Variants in SGPP2 observed in about 807,000 individuals in gnomAD.
SGPP2 encodes the protein sphingosine 1-phosphate phosphohydrolase 2.
SGPP2 carries 30 observed loss-of-function variants against 33.9 expected under a neutral mutation model. The observed-to-expected ratio is 0.89, with a 90% CI of 0.66 to 1.20. SGPP2 has a LOEUF of 1.20. Ranked by LOEUF, SGPP2 falls within the 50% of genes most tolerant of loss-of-function variation. SGPP2 has a pLI of 0.00. For synonymous variants in SGPP2, 233 were observed against 225.0 expected (o/e 1.04, Z -0.32); for missense variants, 458 against 532.1 (o/e 0.86, Z 1.37).
chr2:222,501,818 T>C (rs1490185013), intron 2 of SGPP2, among the ~76,000 whole-genome samples: 1 of 152,220 alleles, frequency 6.6e-6, no homozygotes, highest in East Asian at 1.9e-4. Context: ...GTGAGACATA[T>C]TAGAAAAATC....
At chr2:222,511,106 T>A (rs1016686900) in intron 2 of SGPP2, among the ~76,000 whole-genome samples, 15 of 152,168 alleles carry the variant, frequency 9.9e-5, no homozygotes, top group African/African-American at 3.6e-4. Context: ...TTTACTGTAA[T>A]AACCAGAAAG....
chr2:222,439,294 C>A (rs1020434448), intron 1 of SGPP2, among the ~76,000 whole-genome samples: 10 of 152,272 alleles, frequency 6.6e-5, no homozygotes, highest in Admixed American at 6.5e-4. Flanking sequence ...ACCTGGCCTC[C>A]CCTTCATTCA....
Position 222,515,695 on chromosome 2 carries a change from G to A in SGPP2, c.379-6072G>A, listed in dbSNP as rs184224440. Among the ~76,000 whole-genome samples the A allele has an allele frequency of 3.1e-3, 478 of 152,196 alleles. 6 individuals are homozygous for A. The highest frequency in any genetic ancestry group is 0.011 in the African/African-American group (464 of 41,534). On this transcript the variant is annotated intron_variant, in intron 2 of 4. Transcript: ENST00000321276. ...TATACAATTCACCCATTTAAAGCAT[G>A]TAATTCAATAATTTTTAGTGTAGTC...
At chr2:222,527,509 T>C (rs963740495) in intron 4 of SGPP2, among the ~76,000 whole-genome samples, 1 of 152,108 alleles carries the variant, frequency 6.6e-6, no homozygotes, top group African/African-American at 2.4e-5. Context: ...TCCCATGGGG[T>C]TTGAATATGC....
intron 2 of SGPP2, among the ~76,000 whole-genome samples, chr2:222,519,158 G>A (rs1478539251): frequency 1.3e-5 from 2 of 152,202 alleles, no homozygotes; most frequent in African/African-American, 2.4e-5. Flanking sequence ...GGTAAGATAT[G>A]TTTTGTGATT....
intron 4 of SGPP2, among the ~76,000 whole-genome samples, chr2:222,530,174 G>T (rs1387744680): frequency 6.6e-6 from 1 of 152,306 alleles, no homozygotes; most frequent in East Asian, 1.9e-4. Flanking sequence ...TAGAGCACAG[G>T]CAGAGTAGAT....
Position 222,447,389 on chromosome 2 carries a change from T to C in SGPP2, c.219+22568T>C. Among the ~76,000 whole-genome samples the C allele has an allele frequency of 1.3e-5, 2 of 152,126 alleles. 1 individual carries two copies. The highest frequency in any genetic ancestry group is 3.8e-4 in the East Asian group (2 of 5,196). On this transcript the variant is annotated intron_variant, in intron 1 of 4. Transcript: ENST00000321276. ...GCCTGAGGTTTGGCCTGAGTTTGAG[T>C]TCTGCTAACAAGCCACAAGAAAGTG...
At chr2:222,463,966 T>C (rs1697704287) in intron 1 of SGPP2, among the ~76,000 whole-genome samples, 1 of 110,662 alleles carries the variant, frequency 9.0e-6, no homozygotes, top group Non-Finnish European at 1.9e-5. Flanking sequence ...TTCTGAATCC[T>C]GTACGTGTGT....
At chr2:222,525,064 T>C (rs1179181197) in intron 4 of SGPP2, 31 bp downstream of exon 4, 11 of 1,533,866 alleles carry the variant, frequency 7.2e-6, no homozygotes, top group South Asian at 1.1e-5. Context: ...CTTGTGGTGA[T>C]TGTTTGAATG....
intron 1 of SGPP2, among the ~76,000 whole-genome samples, chr2:222,452,047 A>G (rs1345668621): frequency 1.3e-5 from 2 of 151,952 alleles, no homozygotes; most frequent in Non-Finnish European, 2.9e-5. Context: ...TTTCACATCA[A>G]TTTGTACTTT....
intron 1 of SGPP2, among the ~76,000 whole-genome samples, chr2:222,444,808 T>C (rs1405781667): frequency 6.6e-6 from 1 of 152,200 alleles, no homozygotes; most frequent in African/African-American, 2.4e-5. Context: ...AAACAATACA[T>C]TGCAGCTTTG....
chr2:222,463,940 A>T (rs1697703832), intron 1 of SGPP2, among the ~76,000 whole-genome samples: 1 of 150,874 alleles, frequency 6.6e-6, no homozygotes, highest in South Asian at 2.1e-4. Context: ...GAAGAGACTG[A>T]ATCAACCCTC....
intron 2 of SGPP2, among the ~76,000 whole-genome samples, chr2:222,510,640 G>A (rs1698513262): frequency 2.0e-5 from 3 of 152,142 alleles, no homozygotes; most frequent in South Asian, 2.1e-4. Context: ...TTAATATGGT[G>A]GGTGTAATTT....
chr2:222,559,405 C>A lies in SGPP2; in HGVS notation c.*507C>A, dbSNP rs1689494423. Reference sequence around the variant, plus strand: ...CTTTGGTCTAGGAGAAGGGGTGGCACCATATGAAACGGCATTCCTTGGACA... The same window carrying A: ...CTTTGGTCTAGGAGAAGGGGTGGCAACATATGAAACGGCATTCCTTGGACA... On this transcript the variant is annotated 3_prime_UTR_variant, in exon 5 of 5. Transcript: ENST00000321276. 1 of 159,096 alleles carries A rather than the reference C, an allele frequency of 6.3e-6. No homozygotes were observed. Among genetic ancestry groups the A allele is most frequent in the African/African-American group, 2.4e-5 (1 of 41,498 alleles). 9.9% of individuals were successfully genotyped at this position (159,096 alleles called of 1,614,324 possible).
chr2:222,475,792 G>T (rs1314547648), intron 2 of SGPP2, among the ~76,000 whole-genome samples: 1 of 152,226 alleles, frequency 6.6e-6, no homozygotes, highest in Admixed American at 6.5e-5. Flanking sequence ...CTCCAGATAT[G>T]TAGGTTTGGT....
Position 222,502,578 on chromosome 2 carries a change from C to T in SGPP2, c.379-19189C>T, listed in dbSNP as rs1182391173. Among the ~76,000 whole-genome samples, 5 of 152,200 alleles carry T rather than the reference C, an allele frequency of 3.3e-5. No homozygotes were observed. In the East Asian group the frequency reaches 9.6e-4, roughly 29 times the overall value. On this transcript the variant is annotated intron_variant, in intron 2 of 4. Transcript: ENST00000321276. ...TCAAAAGATGTTGGAGTTTGGATTA[C>T]AGATTTTCAGATTAGGGATGCTCAA...
At position 222,446,096 on chromosome 2, in the gene SGPP2, G is replaced by T. The variant is rs78472510; in HGVS notation, c.219+21275G>T. ...CTCAATCTGCCCTTGAATGCTAGGT[G>T]AACACTCTGGGGGCTTATACCTAGA... On this transcript the variant is annotated intron_variant, in intron 1 of 4. Transcript: ENST00000321276. 3.6e-4 allele frequency among the ~76,000 whole-genome samples: 55 copies of T among 152,312 alleles called. No individual in the cohort carries two copies. The East Asian group carries it at 5.6e-3, about 15-fold the overall frequency.
intron 1 of SGPP2, among the ~76,000 whole-genome samples, chr2:222,461,099 C>T (rs1697652583): frequency 6.6e-6 from 1 of 152,206 alleles, no homozygotes; most frequent in Non-Finnish European, 1.5e-5. Context: ...CTGTGTTCTA[C>T]TCCAACTGGA....
chr2:222,521,006 C>T (rs770171218), intron 2 of SGPP2, among the ~76,000 whole-genome samples: 2 of 152,220 alleles, frequency 1.3e-5, no homozygotes, highest in Admixed American at 6.5e-5. Flanking sequence ...GCCGTCCTCC[C>T]GCCTTGGCCT....
Sources: gnomAD v4.1 joint callset for allele counts (sites outside exome capture counted in the v4.1 genomes callset) on GRCh38, gnomAD v4.1.1 for gene constraint, MANE v1.5 for transcripts, NCBI Gene and HGNC (gene_info 2026-07-23, HGNC 2026-07-21) for gene names.